PHACTR3: variants seen among roughly 807,000 people sequenced by gnomAD.
PHACTR3 encodes phosphatase and actin regulator 3.
In PHACTR3, 16 loss-of-function variants were observed where a neutral mutation model predicts 66.8. That is an observed-to-expected ratio of 0.24 (90% confidence interval 0.16 to 0.36). The LOEUF is 0.36. PHACTR3 is among the 10% of genes least tolerant of loss of function. The probability of loss-of-function intolerance (pLI) is 1.00; values close to 1 mark genes in which losing one functional copy is unlikely to be tolerated. For missense variants in PHACTR3, 647 were observed against 719.9 expected (o/e 0.90, Z 1.16); for synonymous variants, 323 against 292.1 (o/e 1.11, Z -1.08).
intron 1 of PHACTR3, among the ~76,000 whole-genome samples, chr20:59,723,088 TTCTTTC>T (rs1181741284): frequency 6.7e-6 from 1 of 150,242 alleles, no homozygotes; most frequent in East Asian, 2.0e-4. Context: ...CTTTCTTTCT[TTCTTTC>T]TTTCTTTCTT....
chr20:59,645,221 CTTTT>C lies in PHACTR3; in HGVS notation c.118+40107_118+40110del, dbSNP rs11470114. ...TTTGTTCTTTTTTATGTTAGCAGAT[CTTTT>C]TTTTTTTTTTTTTTTTTACCCACTC... On this transcript the variant is annotated intron_variant, in intron 1 of 12. Coordinates refer to ENST00000371015, the MANE Select transcript of PHACTR3 (RefSeq NM_080672.5). Among the ~76,000 whole-genome samples, 368 of 120,536 alleles carry C rather than the reference CTTTT, an allele frequency of 3.1e-3. 2 individuals carry two copies. The highest frequency in any genetic ancestry group is 0.011 in the African/African-American group (333 of 31,358). The allele number at this position is 120,536 out of a possible 152,430, so 79.1% of individuals were successfully genotyped here.
intron 8 of PHACTR3, among the ~76,000 whole-genome samples, chr20:59,807,796 T>C (rs61542152): frequency 0.033 from 5,006 of 152,284 alleles, 273 homozygotes; most frequent in African/African-American, 0.11. Context: ...GTGTCGTATA[T>C]GTCGTGTATC....
intron 1 of PHACTR3, among the ~76,000 whole-genome samples, chr20:59,680,104 C>T (rs919450603): frequency 3.3e-5 from 5 of 152,100 alleles, no homozygotes; most frequent in African/African-American, 1.2e-4. Flanking sequence ...TTCTTCCTGT[C>T]CCCATCTCCT....
At chr20:59,752,268 T>C (rs2039622813) in intron 3 of PHACTR3, among the ~76,000 whole-genome samples, 1 of 152,214 alleles carries the variant, frequency 6.6e-6, no homozygotes. Flanking sequence ...CACACGTGTG[T>C]GCCTGCGTGT....
At chr20:59,722,375 G>A (rs2038349318) in intron 1 of PHACTR3, among the ~76,000 whole-genome samples, 1 of 152,194 alleles carries the variant, frequency 6.6e-6, no homozygotes, top group African/African-American at 2.4e-5. Flanking sequence ...GTTGGGAGAA[G>A]GTATTCCTGG....
At chr20:59,704,467 T>C (rs1358175450) in intron 1 of PHACTR3, among the ~76,000 whole-genome samples, 1 of 152,052 alleles carries the variant, frequency 6.6e-6, no homozygotes, top group Non-Finnish European at 1.5e-5. Context: ...TCCTTTTCTT[T>C]CCACTTCAGC....
intron 1 of PHACTR3, among the ~76,000 whole-genome samples, chr20:59,674,449 CCTTCTCCTGTCCTCT>C (rs796257077): frequency 1.1e-4 from 15 of 141,348 alleles, no homozygotes; most frequent in African/African-American, 1.6e-4. Context: ...TGTTCCTTCC[CCTTCTCCTGTCCTCT>C]CTTCTCCTGT....
chr20:59,628,869 CT>C, intron 1 of PHACTR3: 36 of 955,310 alleles, frequency 3.8e-5, no homozygotes, highest in Non-Finnish European at 4.5e-5. Flanking sequence ...ACTTTCTAAA[CT>C]TTTTTGAAAT....
chr20:59,836,669 T>C (rs1032552012), intron 9 of PHACTR3, 109 bp downstream of exon 9: 6 of 1,076,006 alleles, frequency 5.6e-6, no homozygotes, highest in Non-Finnish European at 8.1e-6. Flanking sequence ...GAATGCTCCA[T>C]GCTCCCAGTA....
intron 1 of PHACTR3, among the ~76,000 whole-genome samples, chr20:59,670,694 G>A (rs2146505364): frequency 6.6e-6 from 1 of 152,092 alleles, no homozygotes; most frequent in Admixed American, 6.5e-5. Flanking sequence ...GTCCTAGAGG[G>A]AGCATTCAAG....
chr20:59,674,858 T>TTCCCCCTTCTCC (rs2036383644), intron 1 of PHACTR3, among the ~76,000 whole-genome samples: 1 of 72,842 alleles, frequency 1.4e-5, no homozygotes, highest in African/African-American at 7.1e-5. Flanking sequence ...CCTTCTCCTG[T>TTCCCCCTTCTCC]TGCCCCTTCT....
chr20:59,773,163 GC>G (rs1309907248), intron 5 of PHACTR3, 115 bp from the exon 6 acceptor site: 1 of 1,204,362 alleles, frequency 8.3e-7, no homozygotes, highest in Admixed American at 2.3e-5. Flanking sequence ...ATTAGTTGGG[GC>G]CCCTCCTGGA....
chr20:59,724,137 C>T (rs1472145310), intron 1 of PHACTR3, among the ~76,000 whole-genome samples: 1 of 152,200 alleles, frequency 6.6e-6, no homozygotes, highest in Non-Finnish European at 1.5e-5. Context: ...GGCCAACGTG[C>T]ACCCTCAGGG....
chr20:59,755,221 G>T lies in PHACTR3; in HGVS notation c.398G>T (p.Arg133Leu). 1.2e-6 allele frequency: 2 copies of T among 1,613,738 alleles called. No individual in the cohort carries two copies. The highest frequency in any genetic ancestry group is 1.7e-6 in the Non-Finnish European group (2 of 1,180,028). ...SKTCNPDGGP[R>L]SVQSEPPTPK... ...ACTTGCAACCCCGATGGAGGACCCCGATCTGTACAGAGTGAACCACCCACT... is the reference window on the plus strand; with the variant it reads ...ACTTGCAACCCCGATGGAGGACCCCTATCTGTACAGAGTGAACCACCCACT... The change falls in exon 4 of 13, where the codon CGA becomes CTA. Residue 133 changes from arginine to leucine, a missense_variant. Coordinates refer to ENST00000371015, the MANE Select transcript of PHACTR3 (RefSeq NM_080672.5).
intron 1 of PHACTR3, among the ~76,000 whole-genome samples, chr20:59,705,156 CA>C (rs1393922476): frequency 6.6e-6 from 1 of 152,020 alleles, no homozygotes; most frequent in Non-Finnish European, 1.5e-5. Flanking sequence ...GAGGTTTTGC[CA>C]TGTTGCCCAG....
intron 1 of PHACTR3, among the ~76,000 whole-genome samples, chr20:59,741,754 C>CTT (rs5842281): frequency 1.4e-5 from 2 of 139,392 alleles, no homozygotes; most frequent in Non-Finnish European, 3.1e-5. Context: ...TTCTTTCTTT[C>CTT]TTTTTTTTTT....
intron 11 of PHACTR3, chr20:59,843,618 T>C (rs1459991886): frequency 1.3e-5 from 2 of 151,902 alleles, no homozygotes; most frequent in African/African-American, 2.4e-5. Context: ...GCTGGGAAAA[T>C]TGGATATCCA....
At chr20:59,625,723 C>T (rs1423397742) in intron 1 of PHACTR3, among the ~76,000 whole-genome samples, 2 of 152,152 alleles carry the variant, frequency 1.3e-5, no homozygotes, top group Non-Finnish European at 2.9e-5. Context: ...CGGAGGCATG[C>T]AGGCTTTTCC....
intron 7 of PHACTR3, among the ~76,000 whole-genome samples, chr20:59,785,699 A>G (rs891298463): frequency 6.6e-6 from 1 of 152,168 alleles, no homozygotes; most frequent in Non-Finnish European, 1.5e-5. Context: ...TCCTGCATGC[A>G]CTGTGAGGAA....
Sources: gnomAD v4.1 joint callset for allele counts (sites outside exome capture counted in the v4.1 genomes callset) on GRCh38, gnomAD v4.1.1 for gene constraint, MANE v1.5 for transcripts, NCBI Gene and HGNC (gene_info 2026-07-23, HGNC 2026-07-21) for gene names.